Variants in ABCD2 observed in about 807,000 individuals in gnomAD.
ABCD2 encodes the protein ATP binding cassette subfamily D member 2.
Under a neutral mutation model 70.9 loss-of-function variants are expected in ABCD2, and 36 were observed. The observed-to-expected ratio is 0.51, with a 90% CI of 0.39 to 0.67. The LOEUF is 0.67. Ranked by LOEUF, ABCD2 falls within the 30% of genes least tolerant of loss-of-function variation. ABCD2 has a pLI of 0.00. For synonymous variants in ABCD2, 304 were observed against 306.9 expected (o/e 0.99, Z 0.10); for missense variants, 729 against 890.2 (o/e 0.82, Z 2.30).
intron 6 of ABCD2, among the ~76,000 whole-genome samples, chr12:39,592,501 T>C (rs569362940): frequency 7.2e-5 from 11 of 152,330 alleles, no homozygotes; most frequent in Middle Eastern, 6.8e-3. Context: ...AGACATGTGG[T>C]TGCCTTTTCT....
the ABCD2 span, among the ~76,000 whole-genome samples, chr12:39,542,238 C>T: frequency 1.2e-4 from 19 of 152,060 alleles, no homozygotes; most frequent in African/African-American, 3.4e-4. Flanking sequence ...CCAAGGCGGG[C>T]GGATCATGAG....
intron 7 of ABCD2, among the ~76,000 whole-genome samples, chr12:39,584,302 GCA>G (rs1191622884): frequency 6.6e-6 from 1 of 152,112 alleles, no homozygotes; most frequent in Non-Finnish European, 1.5e-5. Flanking sequence ...CTTGTTGGCT[GCA>G]TGTATGTCTT....
At chr12:39,585,377 ACTTTG>A (rs1941651021) in intron 7 of ABCD2, among the ~76,000 whole-genome samples, 1 of 152,156 alleles carries the variant, frequency 6.6e-6, no homozygotes, top group Non-Finnish European at 1.5e-5. Context: ...GTACACTGCA[ACTTTG>A]CTGAAGTTGT....
chr12:39,559,190 T>A (rs1941214378), intron 9 of ABCD2, among the ~76,000 whole-genome samples: 1 of 151,938 alleles, frequency 6.6e-6, no homozygotes, highest in African/African-American at 2.4e-5. Context: ...CTGACCAACC[T>A]GGTGAAACCC....
At chr12:39,538,333 TA>T in the ABCD2 span, among the ~76,000 whole-genome samples, 725 of 151,964 alleles carry the variant, frequency 4.8e-3, 4 homozygotes, top group African/African-American at 0.017. Context: ...CATGCCTGGA[TA>T]TTTTTTTTAT....
chr12:39,535,108 A>G, the ABCD2 span, among the ~76,000 whole-genome samples: 1 of 152,178 alleles, frequency 6.6e-6, no homozygotes, highest in African/African-American at 2.4e-5. Flanking sequence ...TTTCTCTGGA[A>G]CAATTTTTCT....
At chr12:39,592,255 T>C (rs903742318) in intron 6 of ABCD2, among the ~76,000 whole-genome samples, 11 of 152,200 alleles carry the variant, frequency 7.2e-5, no homozygotes, top group Admixed American at 5.9e-4. Context: ...AAAATAATTT[T>C]CTAAAAAAGG....
chr12:39,591,224 T>C (rs991620076), intron 6 of ABCD2, among the ~76,000 whole-genome samples: 2 of 152,160 alleles, frequency 1.3e-5, no homozygotes, highest in Non-Finnish European at 2.9e-5. Flanking sequence ...GGGTTTTTCA[T>C]GCATAGAAAG....
intron 5 of ABCD2, among the ~76,000 whole-genome samples, chr12:39,602,468 T>C: frequency 6.6e-6 from 1 of 152,150 alleles, no homozygotes. Flanking sequence ...AATGGTTTTT[T>C]AATCCTGAAG....
Position 39,551,307 on chromosome 12 carries a change from A to G in ABCD2, c.*2605T>C, listed in dbSNP as rs1009184755. 4.0e-5 allele frequency: 6 copies of G among 151,754 alleles called. No homozygotes were observed. Among genetic ancestry groups the G allele is most frequent in the Non-Finnish European group, 5.9e-5 (4 of 67,680 alleles). 9.4% of individuals were successfully genotyped at this position (151,754 alleles called of 1,614,324 possible). A position where few individuals can be genotyped will look rare whatever the true frequency, so the allele number is the denominator to read the frequency against. On this transcript the variant is annotated 3_prime_UTR_variant, in exon 10 of 10. Coordinates refer to ENST00000308666, the MANE Select transcript of ABCD2 (RefSeq NM_005164.4). The stretch of plus-strand genomic sequence containing the variant: ...TAAACTTATAGCTTTTTGTTTGACC[A>G]AAAATATGTCAAACGTTTGGGCAAA...
intron 8 of ABCD2, among the ~76,000 whole-genome samples, chr12:39,576,335 A>T (rs978660923): frequency 1.3e-5 from 2 of 151,770 alleles, no homozygotes; most frequent in African/African-American, 4.8e-5. Flanking sequence ...AATTTTTTTT[A>T]ATTTTTGTAG....
At chr12:39,546,913 G>GGAAGGATAA (rs149469021), downstream of ABCD2, among the ~76,000 whole-genome samples, 7,055 of 151,972 alleles carry the variant, frequency 0.046, 533 homozygotes, top group African/African-American at 0.16. Flanking sequence ...GAGGAATGGA[G>GGAAGGATAA]GAAGGATAAG....
intron 6 of ABCD2, among the ~76,000 whole-genome samples, chr12:39,595,675 T>C (rs774987247): frequency 2.6e-5 from 4 of 152,192 alleles, no homozygotes; most frequent in Non-Finnish European, 4.4e-5. Flanking sequence ...GTGAATGAAG[T>C]AGTAGTTACT....
chr12:39,603,528 A>G (rs901367734), intron 5 of ABCD2, among the ~76,000 whole-genome samples: 1 of 152,074 alleles, frequency 6.6e-6, no homozygotes, highest in African/African-American at 2.4e-5. Flanking sequence ...TATTGACAAA[A>G]TTAAACTTGC....
chr12:39,574,779 A>T (rs1338976737), intron 8 of ABCD2, among the ~76,000 whole-genome samples: 2 of 152,102 alleles, frequency 1.3e-5, no homozygotes, highest in African/African-American at 2.4e-5. Context: ...CAAAAAAGTT[A>T]AAAAAATGAA....
chr12:39,541,381 G>T, the ABCD2 span, among the ~76,000 whole-genome samples: 1 of 152,172 alleles, frequency 6.6e-6, no homozygotes, highest in African/African-American at 2.4e-5. Context: ...CGGTGAGGGG[G>T]CAGCTTTCCA....
chr12:39,613,690 G>A (rs1942078256), intron 2 of ABCD2, among the ~76,000 whole-genome samples: 1 of 152,128 alleles, frequency 6.6e-6, no homozygotes, highest in Non-Finnish European at 1.5e-5. Context: ...GTTATATAAC[G>A]CCCTCCATCC....
chr12:39,557,119 T>C (rs1183941409), intron 9 of ABCD2, among the ~76,000 whole-genome samples: 3 of 152,164 alleles, frequency 2.0e-5, no homozygotes, highest in Non-Finnish European at 2.9e-5. Context: ...ACTTATTGAA[T>C]TGCTTTGACC....
At chr12:39,566,181 T>C (rs1002226562) in intron 9 of ABCD2, among the ~76,000 whole-genome samples, 17 of 152,218 alleles carry the variant, frequency 1.1e-4, no homozygotes, top group Non-Finnish European at 2.4e-4. Context: ...TTTCTATTTA[T>C]TGGAATAGTT....
Sources: gnomAD v4.1 joint callset for allele counts (sites outside exome capture counted in the v4.1 genomes callset) on GRCh38, gnomAD v4.1.1 for gene constraint, MANE v1.5 for transcripts, NCBI Gene and HGNC (gene_info 2026-07-23, HGNC 2026-07-21) for gene names.